The following CCDC77 variants were observed in gnomAD, a reference collection of about 807,000 sequenced individuals.
CCDC77 encodes the protein coiled-coil domain-containing protein 77.
In CCDC77, 56 loss-of-function variants were observed where a neutral mutation model predicts 66.8. The observed-to-expected ratio is 0.84, with a 90% CI of 0.68 to 1.05. The LOEUF (loss-of-function observed/expected upper bound fraction) is 1.05, where lower values mean the gene tolerates loss of function less well. Among genes scored for constraint, CCDC77 ranks in the 50% least tolerant of loss-of-function variants. The pLI, the probability that CCDC77 is intolerant of heterozygous loss-of-function variation, is 0.00. For missense variants in CCDC77, 570 were observed against 576.8 expected (o/e 0.99, Z 0.12); for synonymous variants, 196 against 195.2 (o/e 1.00, Z -0.03).
intron 5 of CCDC77, among the ~76,000 whole-genome samples, chr12:427,250 G>GA (rs35629667): frequency 6.0e-4 from 87 of 144,382 alleles, no homozygotes; most frequent in African/African-American, 6.8e-4. Context: ...GCCTCGGAAA[G>GA]AAAAAAAAAA....
In CCDC77 at chr12:428,861, A is replaced by C. The variant is rs984526282; in HGVS notation, c.506A>C (p.His169Pro). Reference sequence around the variant, plus strand: ...ACCTATTTTTGTAAGGAGCCTCCTCACAAAGTAAGTAATCTTTGGTGTAGC... The same window carrying C: ...ACCTATTTTTGTAAGGAGCCTCCTCCCAAAGTAAGTAATCTTTGGTGTAGC... ...EVTYFCKEPP[H>P]KVTILQKTIQ... The change falls in exon 6 of 13, where the codon CAC becomes CCC. Residue 169 changes from histidine to proline, a missense_variant. Transcript: ENST00000239830. 1 of 1,599,894 alleles carries C rather than the reference A, an allele frequency of 6.3e-7. No individual in the cohort carries two copies. The highest frequency in any genetic ancestry group is 8.6e-7 in the Non-Finnish European group (1 of 1,168,118).
In CCDC77 at chr12:438,757, A is replaced by G. The variant is rs1187733314; in HGVS notation, c.1041+203A>G. On this transcript the variant is annotated intron_variant, in intron 10 of 12. Coordinates refer to ENST00000239830, the MANE Select transcript of CCDC77 (RefSeq NM_032358.4). ...ATTAGACTTGTTGATTCATTCATTCATTCATTCAACAAATATTTATTGTAC... is the reference window on the plus strand; with the variant it reads ...ATTAGACTTGTTGATTCATTCATTCGTTCATTCAACAAATATTTATTGTAC... 21 of 505,798 alleles carry G rather than the reference A, an allele frequency of 4.2e-5. No individual in the cohort carries two copies. In the East Asian group the frequency reaches 6.8e-4, roughly 16 times the overall value. The allele number at this position is 505,798 out of a possible 1,614,324, so 31.3% of individuals were successfully genotyped here. A position where few individuals can be genotyped will look rare whatever the true frequency, so the allele number is the denominator to read the frequency against.
At chr12:393,903 T>C (rs1944792688) in intron 1 of CCDC77, among the ~76,000 whole-genome samples, 1 of 152,168 alleles carries the variant, frequency 6.6e-6, no homozygotes, top group Non-Finnish European at 1.5e-5. Context: ...ATTTAGAAAA[T>C]ACTGGTTCAC....
intron 1 of CCDC77, among the ~76,000 whole-genome samples, chr12:402,888 G>A (rs907771167): frequency 1.3e-5 from 2 of 152,152 alleles, no homozygotes; most frequent in Admixed American, 6.6e-5. Context: ...CCGGTTGCTT[G>A]GAAACGCTGA....
intron 5 of CCDC77, 190 bp downstream of exon 5, chr12:418,826 G>A: frequency 1.7e-6 from 1 of 583,236 alleles, no homozygotes; most frequent in Non-Finnish European, 3.0e-6. Flanking sequence ...AGCCTCTCGA[G>A]TAGCTGGGAA....
At chr12:413,368 C>G (rs1409278797) in intron 4 of CCDC77, among the ~76,000 whole-genome samples, 1 of 150,982 alleles carries the variant, frequency 6.6e-6, no homozygotes, top group Non-Finnish European at 1.5e-5. Flanking sequence ...TCCCGAGTAG[C>G]TGGGACTACT....
chr12:433,340 C>T lies in CCDC77; in HGVS notation c.821+18C>T. The T allele has an allele frequency of 6.2e-7, 1 of 1,612,144 alleles. No individual in the cohort carries two copies. Among genetic ancestry groups the T allele is most frequent in the Non-Finnish European group, 8.5e-7 (1 of 1,179,316 alleles). On this transcript the variant is annotated intron_variant, in intron 9 of 12. Coordinates refer to ENST00000239830, the MANE Select transcript of CCDC77 (RefSeq NM_032358.4). ...ACCAAAAAGTGAGTGTCTAAGAAAG[C>T]TGTACCTAACGGGTATTGTATTTTT... is the stretch of plus-strand genomic sequence containing the variant.
rs1023119472 is a variant in CCDC77 at position 408,435 on chromosome 12, GAA to G, written c.-16-931_-16-930del. 3.9e-4 allele frequency among the ~76,000 whole-genome samples: 60 copies of G among 152,238 alleles called. 1 individual carries two copies. Among genetic ancestry groups the G allele is most frequent in the African/African-American group, 1.3e-3 (53 of 41,520 alleles). On this transcript the variant is annotated intron_variant, in intron 2 of 12. Coordinates refer to ENST00000239830, the MANE Select transcript of CCDC77 (RefSeq NM_032358.4). Reference sequence around the variant, plus strand: ...TTTTTCTTTTGCTTAAGATAATAGAGAAAGTACGCGAAATAAAGATAGCATCA... The same window carrying G: ...TTTTTCTTTTGCTTAAGATAATAGAGAGTACGCGAAATAAAGATAGCATCA...
chr12:407,464 G>A (rs1430852640), intron 2 of CCDC77, among the ~76,000 whole-genome samples: 2 of 152,172 alleles, frequency 1.3e-5, no homozygotes, highest in Non-Finnish European at 2.9e-5. Flanking sequence ...CCCATGGAGA[G>A]ACGGGGTAGG....
At chr12:428,706 C>A in intron 5 of CCDC77, 63 bp from the exon 6 acceptor site, 1 of 1,090,108 alleles carries the variant, frequency 9.2e-7, no homozygotes, top group Non-Finnish European at 1.3e-6. Context: ...ATCCTTTAAA[C>A]AGAAAAAGGT....
chr12:411,131 G>T (rs191712261), intron 3 of CCDC77, among the ~76,000 whole-genome samples: 44 of 151,610 alleles, frequency 2.9e-4, no homozygotes, highest in Admixed American at 1.8e-3. Context: ...GTACTTGGAA[G>T]ATAATTAATA....
intron 9 of CCDC77, among the ~76,000 whole-genome samples, chr12:434,013 C>T (rs909524451): frequency 6.6e-6 from 1 of 152,058 alleles, no homozygotes; most frequent in Non-Finnish European, 1.5e-5. Context: ...CGATCTCAAG[C>T]CCATAAAATT....
intron 9 of CCDC77, among the ~76,000 whole-genome samples, chr12:434,273 T>C (rs1945706396): frequency 6.6e-6 from 1 of 152,112 alleles, no homozygotes; most frequent in African/African-American, 2.4e-5. Context: ...CTGTCTGCAG[T>C]CTGACTTCAT....
Position 440,807 on chromosome 12 carries a change from T to A in CCDC77, c.1168-37T>A, listed in dbSNP as rs748565284. The A allele has an allele frequency of 2.5e-6, 4 of 1,613,072 alleles. No individual in the cohort carries two copies. In the Admixed American group the frequency reaches 6.7e-5, roughly 27 times the overall value. ...CAGATGGCTGGGGAAGACGCTTCCCTCACCTTCGTAAATGCCTTCCCATTC... is the reference window on the plus strand; with the variant it reads ...CAGATGGCTGGGGAAGACGCTTCCCACACCTTCGTAAATGCCTTCCCATTC... On this transcript the variant is annotated intron_variant, in intron 11 of 12. Coordinates refer to ENST00000239830, the MANE Select transcript of CCDC77 (RefSeq NM_032358.4).
intron 1 of CCDC77, among the ~76,000 whole-genome samples, chr12:393,331 C>A (rs1944783459): frequency 6.6e-6 from 1 of 152,108 alleles, no homozygotes; most frequent in Non-Finnish European, 1.5e-5. Flanking sequence ...CCAGACTGAT[C>A]TCAAACTCCT....
intron 5 of CCDC77, among the ~76,000 whole-genome samples, chr12:428,073 G>T (rs1369559058): frequency 1.3e-5 from 2 of 152,162 alleles, no homozygotes; most frequent in Non-Finnish European, 2.9e-5. Context: ...GCAGAAACTT[G>T]GGTGAGGCAG....
At chr12:399,676 A>C (rs560710565), upstream of CCDC77, among the ~76,000 whole-genome samples, 4 of 152,368 alleles carry the variant, frequency 2.6e-5, no homozygotes, top group South Asian at 8.3e-4. Flanking sequence ...GACTTAAAAT[A>C]AAACATACAT....
chr12:416,377 G>GTGTATATATA (rs1170807639), intron 4 of CCDC77, among the ~76,000 whole-genome samples: 2 of 20,596 alleles, frequency 9.7e-5, no homozygotes. Flanking sequence ...GTGTGTGTGT[G>GTGTATATATA]TATATATATA....
chr12:441,459 C>G (rs1310672931), intron 12 of CCDC77, among the ~76,000 whole-genome samples: 2 of 152,134 alleles, frequency 1.3e-5, no homozygotes, highest in Non-Finnish European at 2.9e-5. Context: ...ACAAACTTAC[C>G]AGTAGTGTTG....
Sources: gnomAD v4.1 joint callset for allele counts (sites outside exome capture counted in the v4.1 genomes callset) on GRCh38, gnomAD v4.1.1 for gene constraint, MANE v1.5 for transcripts, NCBI Gene and HGNC (gene_info 2026-07-23, HGNC 2026-07-21) for gene names.